SH3BGRL2: variants seen among roughly 807,000 people sequenced by gnomAD.
SH3BGRL2 encodes SH3 domain binding glutamate rich protein like 2, also known as SH3 domain-binding glutamic acid-rich-like protein 2.
In SH3BGRL2, 21 loss-of-function variants were observed where a neutral mutation model predicts 14.8. The ratio of observed to expected loss-of-function variants is 1.42; its 90% CI spans 1.01 to 2.05. The LOEUF is 2.05. Ranked by LOEUF, SH3BGRL2 falls within the 30% of genes most tolerant of loss-of-function variation. SH3BGRL2 has a pLI of 0.00. For synonymous variants in SH3BGRL2, 50 were observed against 47.8 expected (o/e 1.05, Z -0.19); for missense variants, 147 against 130.8 (o/e 1.12, Z -0.61).
At chr6:79,595,412 A>C in the SH3BGRL2 span, among the ~76,000 whole-genome samples, 2 of 152,250 alleles carry the variant, frequency 1.3e-5, no homozygotes, top group Non-Finnish European at 2.9e-5. Flanking sequence ...GGCTATATTA[A>C]AAGTTTTTAC....
rs1355378953 is a variant in SH3BGRL2 at position 79,701,207 on chromosome 6, A to C, written c.*1698A>C. On this transcript the variant is annotated 3_prime_UTR_variant, in exon 4 of 4. Coordinates refer to ENST00000369838, the MANE Select transcript of SH3BGRL2 (RefSeq NM_031469.4). Reference sequence around the variant, plus strand: ...ATTACTGGTTAGTTGTCATTAAGTAAGATCCAGGTCAAATTCCATTTGACA... The same window carrying C: ...ATTACTGGTTAGTTGTCATTAAGTACGATCCAGGTCAAATTCCATTTGACA... 3.3e-5 allele frequency: 5 copies of C among 152,188 alleles called. No individual in the cohort carries two copies. Among genetic ancestry groups the C allele is most frequent in the African/African-American group, 1.2e-4 (5 of 41,454 alleles). 9.4% of individuals were successfully genotyped at this position (152,188 alleles called of 1,614,324 possible). A position where few individuals can be genotyped will look rare whatever the true frequency, so the allele number is the denominator to read the frequency against.
chr6:79,619,930 A>G, the SH3BGRL2 span, among the ~76,000 whole-genome samples: 2 of 152,218 alleles, frequency 1.3e-5, no homozygotes, highest in Non-Finnish European at 2.9e-5. Flanking sequence ...TTTTAATGGG[A>G]AGCAAAGAAA....
At chr6:79,609,520 A>G in the SH3BGRL2 span, among the ~76,000 whole-genome samples, 78 of 152,012 alleles carry the variant, frequency 5.1e-4, no homozygotes, top group Admixed American at 1.1e-3. Context: ...TCAGCTCCTC[A>G]TGTGTCTGTC....
chr6:79,671,786 G>A (rs1398535104), intron 1 of SH3BGRL2, among the ~76,000 whole-genome samples: 4 of 152,154 alleles, frequency 2.6e-5, no homozygotes, highest in African/African-American at 9.7e-5. Flanking sequence ...GCCTGCCCCC[G>A]CCACCCTAGG....
At chr6:79,636,807 T>C (rs1412381785) in intron 1 of SH3BGRL2, among the ~76,000 whole-genome samples, 1 of 152,184 alleles carries the variant, frequency 6.6e-6, no homozygotes, top group Non-Finnish European at 1.5e-5. Context: ...TCTTCCTCTG[T>C]GCATGTATCT....
the SH3BGRL2 span, among the ~76,000 whole-genome samples, chr6:79,620,809 T>C: frequency 1.3e-5 from 2 of 152,312 alleles, no homozygotes; most frequent in African/African-American, 2.4e-5. Context: ...GAAAGAATTA[T>C]CTGCTGAGAG....
At chr6:79,659,838 T>A (rs539952866) in intron 1 of SH3BGRL2, among the ~76,000 whole-genome samples, 19 of 152,234 alleles carry the variant, frequency 1.2e-4, no homozygotes, top group Non-Finnish European at 1.3e-4. Context: ...GTAGTTCTCC[T>A]TGAAGAGGTC....
the SH3BGRL2 span, among the ~76,000 whole-genome samples, chr6:79,617,393 A>T: frequency 2.0e-5 from 3 of 152,174 alleles, no homozygotes; most frequent in African/African-American, 7.2e-5. Context: ...ACATTTTCTT[A>T]CATAATCATA....
the SH3BGRL2 span, among the ~76,000 whole-genome samples, chr6:79,601,016 C>T: frequency 6.6e-6 from 1 of 151,488 alleles, no homozygotes; most frequent in South Asian, 2.1e-4. Flanking sequence ...CCACCATCAA[C>T]TCTAAACAAA....
intron 1 of SH3BGRL2, among the ~76,000 whole-genome samples, chr6:79,644,962 C>A (rs1273121003): frequency 1.3e-5 from 2 of 151,928 alleles, no homozygotes; most frequent in South Asian, 2.1e-4. Flanking sequence ...GAGTTGGAGA[C>A]CAGCCTGGCC....
At chr6:79,697,234 G>A (rs1770350208) in intron 3 of SH3BGRL2, among the ~76,000 whole-genome samples, 2 of 151,768 alleles carry the variant, frequency 1.3e-5, no homozygotes, top group Non-Finnish European at 2.9e-5. Context: ...GATTATGAAA[G>A]TAGCCTAGAC....
intron 1 of SH3BGRL2, among the ~76,000 whole-genome samples, chr6:79,633,835 T>G (rs1263854788): frequency 6.6e-6 from 1 of 152,230 alleles, no homozygotes; most frequent in Non-Finnish European, 1.5e-5. Context: ...AATAATGATT[T>G]CTAAGAACCA....
At chr6:79,556,230 A>G in the SH3BGRL2 span, among the ~76,000 whole-genome samples, 1 of 152,188 alleles carries the variant, frequency 6.6e-6, no homozygotes, top group South Asian at 2.1e-4. Context: ...TGCTATGACA[A>G]AAATGTAAGC....
chr6:79,547,120 G>A, the SH3BGRL2 span, among the ~76,000 whole-genome samples: 1 of 152,142 alleles, frequency 6.6e-6, no homozygotes, highest in Non-Finnish European at 1.5e-5. Context: ...GAAGATGGGA[G>A]TAGGAAAACC....
the SH3BGRL2 span, among the ~76,000 whole-genome samples, chr6:79,547,961 G>C: frequency 6.6e-6 from 1 of 152,072 alleles, no homozygotes; most frequent in East Asian, 1.9e-4. Context: ...AACTTCCTAG[G>C]CTCAAGCAGT....
intron 1 of SH3BGRL2, among the ~76,000 whole-genome samples, chr6:79,646,092 T>A (rs1409045210): frequency 6.6e-6 from 1 of 152,222 alleles, no homozygotes; most frequent in East Asian, 1.9e-4. Flanking sequence ...TTGCCTTATT[T>A]CTACCCACTG....
At chr6:79,550,230 A>G in the SH3BGRL2 span, among the ~76,000 whole-genome samples, 6 of 152,206 alleles carry the variant, frequency 3.9e-5, no homozygotes, top group African/African-American at 7.2e-5. Flanking sequence ...AAGGAGGAGA[A>G]TTAAAGAAGC....
At chr6:79,612,000 A>G in the SH3BGRL2 span, among the ~76,000 whole-genome samples, 5 of 152,212 alleles carry the variant, frequency 3.3e-5, no homozygotes, top group Admixed American at 2.6e-4. Flanking sequence ...GGCTGGACCC[A>G]GACTTTTAAA....
At chr6:79,623,270 C>T in the SH3BGRL2 span, among the ~76,000 whole-genome samples, 5 of 149,982 alleles carry the variant, frequency 3.3e-5, no homozygotes, top group Admixed American at 2.7e-4. Flanking sequence ...CCACTGCACT[C>T]TGGCCTGGGC....
Sources: gnomAD v4.1 joint callset for allele counts (sites outside exome capture counted in the v4.1 genomes callset) on GRCh38, gnomAD v4.1.1 for gene constraint, MANE v1.5 for transcripts, NCBI Gene and HGNC (gene_info 2026-07-23, HGNC 2026-07-21) for gene names.